DDX25: variants seen among roughly 807,000 people sequenced by gnomAD.
The protein encoded by DDX25 is DEAD-box helicase 25.
A neutral mutation model predicts 64.6 loss-of-function variants in DDX25; 70 were observed. The ratio of observed to expected loss-of-function variants is 1.08; its 90% CI spans 0.89 to 1.32. The LOEUF (loss-of-function observed/expected upper bound fraction) is 1.32, where lower values mean the gene tolerates loss of function less well. Ranked by LOEUF, DDX25 falls within the 40% of genes most tolerant of loss-of-function variation. The pLI, the probability that DDX25 is intolerant of heterozygous loss-of-function variation, is 0.00. For synonymous variants in DDX25, 211 were observed against 213.3 expected, an observed-to-expected ratio of 0.99 and a Z score of 0.09; for missense variants, 587 against 604.4, an observed-to-expected ratio of 0.97 and a Z score of 0.30.
rs1429781222 is a variant in DDX25, at chr11:125,910,436, T to G, written c.580T>G (p.Cys194Gly). Residue 194 changes from cysteine (C) to glycine (G), a missense_variant, in exon 7 of 12, where the codon TGT becomes GGT. By Grantham distance (159) the Cys-to-Gly change is radical. Coordinates refer to ENST00000263576, the MANE Select transcript of DDX25 (RefSeq NM_013264.5). ...TGTGGTTGAGCAGATGGGAAAATTC[T>G]GTGTGGATGTTCAAGTGATGTATGC... is the stretch of plus-strand genomic sequence containing the variant. Reference protein sequence around the residue: ...GRVVEQMGKFCVDVQVMYAIR... With the variant: ...GRVVEQMGKFGVDVQVMYAIR... 1 of 1,614,028 alleles carries G rather than the reference T, an allele frequency of 6.2e-7. No homozygotes were observed. The highest frequency in any genetic ancestry group is 1.1e-5 in the South Asian group (1 of 91,078).
rs369309099 is a variant in DDX25 at position 125,917,103 on chromosome 11, C to G, written c.890C>G (p.Pro297Arg). Residue 297 changes from proline to arginine, a missense_variant, in exon 9 of 12, where the codon CCT (proline) becomes CGT (arginine). Transcript: ENST00000263576. ...WHFAERIIPD[P>R]NVIKLRKEEL... ...TTTGCTGAGCGAATCATCCCTGACC[C>G]TAATGTTATCAAGTTACGCAAAGAG... is the stretch of plus-strand genomic sequence containing the variant. 3 of 1,610,534 alleles carry G rather than the reference C, an allele frequency of 1.9e-6. No individual in the cohort carries two copies. The highest frequency in any genetic ancestry group is 2.5e-6 in the Non-Finnish European group (3 of 1,178,764).
chr11:125,905,313 A>G lies in DDX25; in HGVS notation c.130+35A>G, dbSNP rs1309722432. On this transcript the variant is annotated intron_variant, in intron 2 of 11. Transcript: ENST00000263576. ...GTTAGGGCAAAGCAGAGCGACCTCA[A>G]TGATTAAAAAGTATTGTTTTGCTTT... The G allele has an allele frequency of 9.0e-6, 14 of 1,548,708 alleles. No individual in the cohort carries two copies. The Admixed American group carries it at 9.8e-5, about 11-fold the overall frequency.
At position 125,921,432 on chromosome 11, in the gene DDX25, G is replaced by GA. The variant is rs1327517036; in HGVS notation, c.1390+54dup. ...ACTACAGACCTGCCGGTCTGACAGT[G>GA]ATGATGTGTGCTGGAGAGCTGGAGT... On this transcript the variant is annotated intron_variant, in intron 11 of 11. Coordinates refer to ENST00000263576, the MANE Select transcript of DDX25 (RefSeq NM_013264.5). The surrounding 1 kb of genome is among the most constrained non-coding windows in gnomAD (Gnocchi z 4.1). 3.2e-6 allele frequency: 5 copies of GA among 1,577,410 alleles called. No homozygotes were observed. Among genetic ancestry groups the GA allele is most frequent in the Non-Finnish European group, 3.4e-6 (4 of 1,159,724 alleles).
At position 125,917,259 on chromosome 11, in the gene DDX25, CTG is replaced by C. The variant is rs1431224563; in HGVS notation, c.1038+11_1038+12del. 4 of 1,591,546 alleles carry C rather than the reference CTG, an allele frequency of 2.5e-6. No homozygotes were observed. The highest frequency in any genetic ancestry group is 2.3e-5 in the East Asian group (1 of 44,174). ...GCCATCATCTTCTGCCAGGTACACT[CTG>C]TGGATGTGTCTTCATCGAGCCCAGA... On this transcript the variant is annotated intron_variant, in intron 9 of 11. Coordinates refer to ENST00000263576, the MANE Select transcript of DDX25 (RefSeq NM_013264.5).
At chr11:125,904,397 T>TCGCGGG (rs1162304339), upstream of DDX25, 4 of 977,494 alleles carry the variant, frequency 4.1e-6, no homozygotes, top group East Asian at 1.3e-4. Flanking sequence ...ACCGCGGTGG[T>TCGCGGG]CGCGGGCGCG....
intron 8 of DDX25, among the ~76,000 whole-genome samples, chr11:125,912,585 G>C (rs1317572868): frequency 6.6e-6 from 1 of 152,090 alleles, no homozygotes; most frequent in African/African-American, 2.4e-5. Context: ...CAAGAAAAAA[G>C]TCCATATACA....
intron 6 of DDX25, among the ~76,000 whole-genome samples, chr11:125,909,476 G>A (rs1944937158): frequency 6.6e-6 from 1 of 151,980 alleles, no homozygotes; most frequent in Non-Finnish European, 1.5e-5. Flanking sequence ...TTTTCCATCA[G>A]CATCTTTATT....
At chr11:125,907,339 T>C (rs1035685067) in intron 4 of DDX25, among the ~76,000 whole-genome samples, 9 of 152,316 alleles carry the variant, frequency 5.9e-5, no homozygotes, top group African/African-American at 1.7e-4. Context: ...CCGGGCGCGG[T>C]GGCTCACGCC....
In DDX25 at chr11:125,921,482, A is replaced by G; in HGVS notation, c.1390+103A>G. ...TCCAGGGGCTCATGAGAGTAGTAGA[A>G]GCAGAATGCATGAGCTGGAAGGCTT... On this transcript the variant is annotated intron_variant, in intron 11 of 11. Transcript: ENST00000263576. This position sits in a 1 kb window ranked among gnomAD's most constrained non-coding sequence, Gnocchi z 4.1. The G allele has an allele frequency of 2.3e-6, 3 of 1,331,836 alleles. No individual in the cohort carries two copies. Among genetic ancestry groups the G allele is most frequent in the Non-Finnish European group, 3.0e-6 (3 of 990,904 alleles). 82.5% of individuals were successfully genotyped at this position (1,331,836 alleles called of 1,614,324 possible).
rs1319350598 is a variant in DDX25 at position 125,927,915 on chromosome 11, TAC to T, written c.*5040_*5041del. On this transcript the variant is annotated 3_prime_UTR_variant, in exon 12 of 12. Transcript: ENST00000263576. ...CTAAGATACCATGTTTCCATGACCC[TAC>T]ACACAATAGCTACACAGGTGGAGCA... The T allele has an allele frequency of 1.3e-5, 2 of 152,202 alleles. No individual in the cohort carries two copies. The highest frequency in any genetic ancestry group is 2.9e-5 in the Non-Finnish European group (2 of 68,036). 9.4% of individuals were successfully genotyped at this position (152,202 alleles called of 1,614,324 possible).
In DDX25 at chr11:125,922,851, C is replaced by G; in HGVS notation, c.1422C>G (p.Asp474Glu). 6.2e-7 allele frequency: 1 copy of G among 1,609,804 alleles called. No individual in the cohort carries two copies. The highest frequency in any genetic ancestry group is 8.5e-7 in the Non-Finnish European group (1 of 1,177,754). The part of the protein sequence containing the change: ...NSSIKQLNAE[D>E]MDEIEKIDY ...GTATTAAGCAACTCAACGCTGAAGA[C>G]ATGGATGAAATTGAAAAGATTGACT... Residue 474 changes from aspartate to glutamate, a missense_variant, in exon 12 of 12, where the codon GAC becomes GAG. By Grantham distance (45) the Asp-to-Glu change is conservative. Transcript: ENST00000263576.
At chr11:125,910,067 TA>T (rs1944946982) in intron 6 of DDX25, among the ~76,000 whole-genome samples, 1 of 151,984 alleles carries the variant, frequency 6.6e-6, no homozygotes, top group South Asian at 2.1e-4. Context: ...TTCCCCCTCC[TA>T]TGCCTCCCCC....
Position 125,927,680 on chromosome 11 carries a change from AT to A in DDX25, c.*4801del, listed in dbSNP as rs1285326630. On this transcript the variant is annotated 3_prime_UTR_variant, in exon 12 of 12. Coordinates refer to ENST00000263576, the MANE Select transcript of DDX25 (RefSeq NM_013264.5). The stretch of plus-strand genomic sequence containing the variant: ...GCTTGAAATCTCTGCTTTCTGTTAT[AT>A]TCGGAGGTAACATGTATAGGTCATG... The A allele has an allele frequency of 6.6e-6, 1 of 152,132 alleles. No individual in the cohort carries two copies. The highest frequency in any genetic ancestry group is 1.5e-5 in the Non-Finnish European group (1 of 68,034). The allele number at this position is 152,132 out of a possible 1,614,324, so 9.4% of individuals were successfully genotyped here.
chr11:125,904,356 G>A (rs1033783062), upstream of DDX25: 6 of 553,960 alleles, frequency 1.1e-5, no homozygotes, highest in Non-Finnish European at 1.6e-5. Flanking sequence ...CCTTCCGCGC[G>A]CCACCCAGCC....
chr11:125,906,945 G>A (rs537998540), intron 4 of DDX25, among the ~76,000 whole-genome samples: 1 of 152,104 alleles, frequency 6.6e-6, no homozygotes, highest in South Asian at 2.1e-4. Flanking sequence ...GGGATAGATA[G>A]CTAAGCTAGG....
At chr11:125,917,367 A>G in intron 9 of DDX25, 116 bp downstream of exon 9, 2 of 937,398 alleles carry the variant, frequency 2.1e-6, no homozygotes, top group Non-Finnish European at 1.6e-6. Flanking sequence ...GTGTGTCTCC[A>G]GTTTAATCTT....
In DDX25 at chr11:125,922,956, T is replaced by C; in HGVS notation, c.*75T>C. 1 of 1,384,528 alleles carries C rather than the reference T, an allele frequency of 7.2e-7. No individual in the cohort carries two copies. Among genetic ancestry groups the C allele is most frequent in the Non-Finnish European group, 9.9e-7 (1 of 1,014,394 alleles). 85.8% of individuals were successfully genotyped at this position (1,384,528 alleles called of 1,614,324 possible). ...TCAGTGGGTTTTGAAGGTAATTTTT[T>C]TATGTTGAGGCTTTTTCGACGTGAA... is the stretch of plus-strand genomic sequence containing the variant. On this transcript the variant is annotated 3_prime_UTR_variant, in exon 12 of 12. Coordinates refer to ENST00000263576, the MANE Select transcript of DDX25 (RefSeq NM_013264.5).
intron 4 of DDX25, among the ~76,000 whole-genome samples, chr11:125,907,571 G>T (rs933964905): frequency 2.0e-5 from 3 of 151,880 alleles, no homozygotes; most frequent in African/African-American, 4.8e-5. Flanking sequence ...TCGCGCCACT[G>T]CACTCCAGCC....
intron 6 of DDX25, among the ~76,000 whole-genome samples, 179 bp from the exon 7 acceptor site, chr11:125,910,185 C>T (rs1944947958): frequency 6.6e-6 from 1 of 152,180 alleles, no homozygotes; most frequent in South Asian, 2.1e-4. Context: ...CCTTCTCATA[C>T]TCAACATTCA....
Sources: gnomAD v4.1 joint callset for allele counts (sites outside exome capture counted in the v4.1 genomes callset) on GRCh38, gnomAD v4.1.1 for gene constraint, Gnocchi (gnomAD v3.1) non-coding constraint, MANE v1.5 for transcripts, NCBI Gene and HGNC (gene_info 2026-07-23, HGNC 2026-07-21) for gene names.